The following CHRNA7 variants were observed in gnomAD, a reference collection of about 807,000 sequenced individuals.
The protein encoded by CHRNA7 is cholinergic receptor nicotinic alpha 7 subunit, also known as neuronal acetylcholine receptor subunit alpha-7.
A neutral mutation model predicts 48.0 loss-of-function variants in CHRNA7; 17 were observed. The observed-to-expected ratio is 0.35, with a 90% confidence interval of 0.24 to 0.53. The LOEUF is 0.53. Among genes scored for constraint, CHRNA7 ranks in the 20% least tolerant of loss-of-function variants. The pLI is 0.92. For synonymous variants in CHRNA7, 75 were observed against 242.3 expected (o/e 0.31, Z 6.41); for missense variants, 155 against 577.7 (o/e 0.27, Z 7.50).
rs1901760813 is a variant in CHRNA7 at position 32,030,580 on chromosome 15, G to C, written c.-15G>C. The C allele has an allele frequency of 1.3e-6, 2 of 1,518,568 alleles. No homozygotes were observed. The highest frequency in any genetic ancestry group is 2.9e-5 in the African/African-American group (2 of 69,398). The allele number at this position is 1,518,568 out of a possible 1,614,324, so 94.1% of individuals were successfully genotyped here. On this transcript the variant is annotated 5_prime_UTR_variant, in exon 1 of 10. Coordinates refer to ENST00000306901, the MANE Select transcript of CHRNA7 (RefSeq NM_000746.6). ...ACGTGGAGCGCGCCGGCTCGCTGCA[G>C]CTCCGGGACTCAACATGCGCTGCTC...
intron 5 of CHRNA7, among the ~76,000 whole-genome samples, chr15:32,154,762 C>G (rs1367986669): frequency 7.2e-6 from 1 of 139,334 alleles, no homozygotes; most frequent in Middle Eastern, 3.2e-3. Flanking sequence ...GCAATTACCT[C>G]CACACCTAAC....
intron 3 of CHRNA7, among the ~76,000 whole-genome samples, chr15:32,109,620 A>G (rs535814280): frequency 2.6e-5 from 4 of 152,346 alleles, no homozygotes; most frequent in Non-Finnish European, 5.9e-5. Flanking sequence ...GCTCTGGTAG[A>G]ACCCAAAGAT....
intron 2 of CHRNA7, among the ~76,000 whole-genome samples, chr15:32,045,214 A>G (rs1427345088): frequency 6.6e-6 from 1 of 151,928 alleles, no homozygotes; most frequent in Non-Finnish European, 1.5e-5. Context: ...CTCTGTTTTT[A>G]TTAGTGATGG....
At chr15:32,146,591 C>T (rs747412942) in intron 4 of CHRNA7, among the ~76,000 whole-genome samples, 1 of 152,158 alleles carries the variant, frequency 6.6e-6, no homozygotes, top group African/African-American at 2.4e-5. Flanking sequence ...TATATTCTTA[C>T]AACAGACAGT....
chr15:32,066,609 CA>C (rs1334877486), intron 2 of CHRNA7, among the ~76,000 whole-genome samples: 1 of 151,998 alleles, frequency 6.6e-6, no homozygotes, highest in East Asian at 1.9e-4. Flanking sequence ...GTCCAATTTT[CA>C]AAAAATATAT....
intron 2 of CHRNA7, among the ~76,000 whole-genome samples, chr15:32,037,743 C>T (rs1902160400): frequency 6.6e-6 from 1 of 151,828 alleles, no homozygotes; most frequent in South Asian, 2.1e-4. Context: ...TTTACTTTTA[C>T]ATGTTAACCT....
intron 2 of CHRNA7, among the ~76,000 whole-genome samples, chr15:32,063,950 T>C (rs996866592): frequency 1.3e-5 from 2 of 152,228 alleles, no homozygotes; most frequent in African/African-American, 4.8e-5. Context: ...AGTTGATGGA[T>C]GGTGTCCTTT....
chr15:32,141,437 A>G (rs1407946517), intron 4 of CHRNA7, among the ~76,000 whole-genome samples: 2 of 152,170 alleles, frequency 1.3e-5, no homozygotes, highest in African/African-American at 4.8e-5. Flanking sequence ...ACTTTAAAGT[A>G]GTTTTTTCCA....
rs1024295022 is a variant in CHRNA7 at position 32,117,570 on chromosome 15, C to T, written c.350+5671C>T. ...ACAATATGGGTGGAAGGGAGAGAGT[C>T]CTAGGACTTGAGGGTCCTAGGGGTG... On this transcript the variant is annotated intron_variant, in intron 4 of 9. Transcript: ENST00000306901. Among the ~76,000 whole-genome samples the T allele has an allele frequency of 3.3e-5, 5 of 152,258 alleles. No homozygotes were observed. In the South Asian group the frequency reaches 1.0e-3, roughly 32 times the overall value.
At chr15:32,127,509 A>G (rs1333884760) in intron 4 of CHRNA7, among the ~76,000 whole-genome samples, 2 of 152,066 alleles carry the variant, frequency 1.3e-5, no homozygotes, top group African/African-American at 4.8e-5. Context: ...GTGTGTAGTG[A>G]TAACCCATTG....
At position 32,070,632 on chromosome 15, in the gene CHRNA7, G is replaced by GT. The variant is rs201929678; in HGVS notation, c.196-30663dup. 6.6e-3 allele frequency among the ~76,000 whole-genome samples: 586 copies of GT among 89,370 alleles called. 13 individuals are homozygous for GT. Among genetic ancestry groups the GT allele is most frequent in the Admixed American group, 0.049 (475 of 9,780 alleles). The allele number at this position is 89,370 out of a possible 152,430, so 58.6% of individuals were successfully genotyped here. Reference sequence around the variant, plus strand: ...CATTTAAGTCTGCAATCTATTTTGAGTTTTTTTTGTGTGTGTGAACATGTG... The same window carrying GT: ...CATTTAAGTCTGCAATCTATTTTGAGTTTTTTTTTGTGTGTGTGAACATGTG... On this transcript the variant is annotated intron_variant, in intron 2 of 9. Coordinates refer to ENST00000306901, the MANE Select transcript of CHRNA7 (RefSeq NM_000746.6).
chr15:32,047,186 A>C (rs1446167812), intron 2 of CHRNA7, among the ~76,000 whole-genome samples: 1 of 137,040 alleles, frequency 7.3e-6, no homozygotes, highest in Non-Finnish European at 1.5e-5. Flanking sequence ...ACTTTAAAGT[A>C]GTTTTTTCCA....
At chr15:32,089,416 C>T (rs934195396) in intron 2 of CHRNA7, among the ~76,000 whole-genome samples, 6 of 152,016 alleles carry the variant, frequency 3.9e-5, no homozygotes, top group African/African-American at 1.2e-4. Context: ...GGCCATCAAA[C>T]GCTTTCTTTC....
rs2051579369 is a variant in CHRNA7 at position 32,149,655 on chromosome 15, G to A, written c.351-4252G>A. ...CTACCATCATGGGTATTAAGATTTG[G>A]ATTTTGATAACATTTATGTGTTACA... On this transcript the variant is annotated intron_variant, in intron 4 of 9. Coordinates refer to ENST00000306901, the MANE Select transcript of CHRNA7 (RefSeq NM_000746.6). This position sits in a 1 kb window ranked among gnomAD's most constrained non-coding sequence, Gnocchi z 4.6. Among the ~76,000 whole-genome samples, 1 of 152,118 alleles carries A rather than the reference G, an allele frequency of 6.6e-6. No individual in the cohort carries two copies. The highest frequency in any genetic ancestry group is 1.5e-5 in the Non-Finnish European group (1 of 68,020).
chr15:32,050,037 C>A (rs1388556052), intron 2 of CHRNA7, among the ~76,000 whole-genome samples: 1 of 152,214 alleles, frequency 6.6e-6, no homozygotes, highest in African/African-American at 2.4e-5. Context: ...ATGGGTTTCC[C>A]TTTGTGGGTA....
chr15:32,093,606 C>T (rs1020587978), intron 2 of CHRNA7, among the ~76,000 whole-genome samples: 1 of 152,144 alleles, frequency 6.6e-6, no homozygotes, highest in African/African-American at 2.4e-5. Context: ...AAACAAAAAT[C>T]AGTGGTGTTG....
At chr15:32,069,040 A>G (rs958084027) in intron 2 of CHRNA7, among the ~76,000 whole-genome samples, 4 of 152,218 alleles carry the variant, frequency 2.6e-5, no homozygotes, top group Admixed American at 2.0e-4. Flanking sequence ...TTTCTTGTGT[A>G]TAATTTTAAA....
At chr15:32,058,158 T>C (rs1245029063) in intron 2 of CHRNA7, among the ~76,000 whole-genome samples, 1 of 152,180 alleles carries the variant, frequency 6.6e-6, no homozygotes, top group Non-Finnish European at 1.5e-5. Flanking sequence ...CTGTTGAAGA[T>C]GATGTGTGGC....
At chr15:32,081,242 A>C (rs557590774) in intron 2 of CHRNA7, among the ~76,000 whole-genome samples, 1 of 152,326 alleles carries the variant, frequency 6.6e-6, no homozygotes, top group East Asian at 1.9e-4. Context: ...ACCATGGCAC[A>C]TGTTTACCTG....
Sources: gnomAD v4.1 joint callset for allele counts (sites outside exome capture counted in the v4.1 genomes callset) on GRCh38, gnomAD v4.1.1 for gene constraint, Gnocchi (gnomAD v3.1) non-coding constraint, MANE v1.5 for transcripts, NCBI Gene and HGNC (gene_info 2026-07-23, HGNC 2026-07-21) for gene names.